Variants in ARHGEF25 observed in about 807,000 individuals in gnomAD.
ARHGEF25 encodes the protein Rho guanine nucleotide exchange factor 25, also known as RAC/CDC42 exchange factor.
In ARHGEF25, 42 loss-of-function variants were observed where a neutral mutation model predicts 74.0. The ratio of observed to expected loss-of-function variants is 0.57; its 90% CI spans 0.44 to 0.73. The LOEUF is 0.73. Ranked by LOEUF, ARHGEF25 falls within the 30% of genes least tolerant of loss-of-function variation. The probability of loss-of-function intolerance (pLI) is 0.00; values close to 1 mark genes in which losing one functional copy is unlikely to be tolerated. For missense variants in ARHGEF25, 645 were observed against 725.5 expected (o/e 0.89, Z 1.27); for synonymous variants, 293 against 278.6 (o/e 1.05, Z -0.51).
chr12:57,610,792 A>C, upstream of ARHGEF25: 1 of 898,600 alleles, frequency 1.1e-6, no homozygotes, highest in Non-Finnish European at 1.6e-6. Context: ...AATTTGCATG[A>C]GACCCATTTA....
In ARHGEF25 at chr12:57,616,304, T is replaced by C; in HGVS notation, c.1441T>C (p.Tyr481His). ...TCCAGCATTGCAGTCACCCATTGAG[T>C]ACCAGAGACGGGAGAGCCAGACCAA... Reference protein sequence around the residue: ...FLNALQSPIEYQRRESQTNSL... With the variant: ...FLNALQSPIEHQRRESQTNSL... The change falls in exon 14 of 15, where the codon TAC becomes CAC. Residue 481 changes from tyrosine to histidine, a missense_variant. This residue lies in a region of ARHGEF25 where 262 missense variants were observed against 256.9 expected (regional missense o/e 1.02). Coordinates refer to ENST00000286494, the MANE Select transcript of ARHGEF25 (RefSeq NM_182947.4). 4 of 1,612,740 alleles carry C rather than the reference T, an allele frequency of 2.5e-6. No homozygotes were observed. The highest frequency in any genetic ancestry group is 3.4e-6 in the Non-Finnish European group (4 of 1,179,750).
upstream of ARHGEF25, chr12:57,610,294 C>T: frequency 6.4e-7 from 1 of 1,561,418 alleles, no homozygotes; most frequent in South Asian, 1.2e-5. Flanking sequence ...TGCGCGCATG[C>T]GCCCTCCCTG....
intron 3 of ARHGEF25, 23 bp from the exon 4 acceptor site, chr12:57,613,417 C>T: frequency 6.2e-7 from 1 of 1,614,054 alleles, no homozygotes; most frequent in Non-Finnish European, 8.5e-7. Flanking sequence ...GTTTGCTCAC[C>T]CTAGGATGTT....
intron 14 of ARHGEF25, 106 bp from the exon 15 acceptor site, chr12:57,616,678 A>G (rs1594963512): frequency 2.0e-6 from 2 of 987,970 alleles, no homozygotes; most frequent in East Asian, 2.4e-5. Flanking sequence ...ACAGTCTAAG[A>G]TATCTAGCAA....
upstream of ARHGEF25, chr12:57,610,668 C>T (rs746860557): frequency 1.1e-5 from 17 of 1,607,890 alleles, no homozygotes; most frequent in East Asian, 3.6e-4. Flanking sequence ...AGGTCCTCGC[C>T]GGGGCTCTGC....
At position 57,616,136 on chromosome 12, in the gene ARHGEF25, T is replaced by C. The variant is rs1884276561; in HGVS notation, c.1420+119T>C. On this transcript the variant is annotated intron_variant, in intron 13 of 14. Transcript: ENST00000286494. ...CATGGCCCATCCCCTTTTCCACTGC[T>C]AGCTCAAAATTTGATAGAATCCCCT... The C allele has an allele frequency of 2.0e-6, 3 of 1,469,520 alleles. No individual in the cohort carries two copies. The South Asian group carries it at 4.0e-5, about 20-fold the overall frequency. The allele number at this position is 1,469,520 out of a possible 1,614,324, so 91.0% of individuals were successfully genotyped here. A position where few individuals can be genotyped will look rare whatever the true frequency, so the allele number is the denominator to read the frequency against.
chr12:57,613,314 G>T lies in ARHGEF25; in HGVS notation c.363G>T (p.Leu121=). 1.2e-6 allele frequency: 2 copies of T among 1,614,222 alleles called. No homozygotes were observed. The highest frequency in any genetic ancestry group is 2.2e-5 in the South Asian group (2 of 91,072). Residue 121 remains leucine (L), a synonymous_variant, in exon 3 of 15, where the codon CTG becomes CTT. Coordinates refer to ENST00000286494, the MANE Select transcript of ARHGEF25 (RefSeq NM_182947.4). Reference sequence around the variant, plus strand: ...CCACAGGAGAGGAGCTGCCGGAACTGACCTTGCTGACCACACTGTTGGAGG... The same window carrying T: ...CCACAGGAGAGGAGCTGCCGGAACTTACCTTGCTGACCACACTGTTGGAGG... The part of the protein sequence containing the change: ...ALATGEELPE[L]TLLTTLLEGP...
Position 57,612,005 on chromosome 12 carries a change from C to G in ARHGEF25, c.97+14C>G. The G allele has an allele frequency of 2.3e-6, 3 of 1,305,132 alleles. No individual in the cohort carries two copies. The highest frequency in any genetic ancestry group is 3.3e-5 in the South Asian group (1 of 30,722). The allele number at this position is 1,305,132 out of a possible 1,614,324, so 80.8% of individuals were successfully genotyped here. On this transcript the variant is annotated intron_variant, in intron 1 of 14. Transcript: ENST00000286494. ...GGGGGGGACGTGGTGAGTGCCAGGTCGAGAGGGTCCAGTGTTGAGTGGGGG... is the reference window on the plus strand; with the variant it reads ...GGGGGGGACGTGGTGAGTGCCAGGTGGAGAGGGTCCAGTGTTGAGTGGGGG...
In ARHGEF25 at chr12:57,614,140, A is replaced by C. The variant is rs1305810875; in HGVS notation, c.656+21A>C. 1.1e-5 allele frequency: 17 copies of C among 1,611,566 alleles called. No homozygotes were observed. The highest frequency in any genetic ancestry group is 1.4e-5 in the Non-Finnish European group (16 of 1,177,974). Reference sequence around the variant, plus strand: ...CGAGAGTGAGTGGTGGAACTCTGACAGCTAGGTGCTGGAGAGGGGCCCTCA... The same window carrying C: ...CGAGAGTGAGTGGTGGAACTCTGACCGCTAGGTGCTGGAGAGGGGCCCTCA... On this transcript the variant is annotated intron_variant, in intron 6 of 14. Coordinates refer to ENST00000286494, the MANE Select transcript of ARHGEF25 (RefSeq NM_182947.4). This position sits in a 1 kb window ranked among gnomAD's most constrained non-coding sequence, Gnocchi z 4.6.
chr12:57,615,773 A>G (rs1275847199), intron 12 of ARHGEF25, 61 bp downstream of exon 12: 2 of 1,610,776 alleles, frequency 1.2e-6, no homozygotes, highest in African/African-American at 2.7e-5. Flanking sequence ...CTCTGAGAGG[A>G]TGTCTCAGAG....
At position 57,615,014 on chromosome 12, in the gene ARHGEF25, A is replaced by C; in HGVS notation, c.957A>C (p.Leu319=). ...YNRAGMDTAD[L]EQAVEVMCFV... is the part of the protein sequence containing the mutation. ...GAGCTGGGATGGATACTGCAGACCTAGAGGTGAGGACCCCAGATCTTCCAG... is the reference window on the plus strand; with the variant it reads ...GAGCTGGGATGGATACTGCAGACCTCGAGGTGAGGACCCCAGATCTTCCAG... The change falls in exon 10 of 15, where the codon CTA becomes CTC. Residue 319 remains leucine, a synonymous_variant. Coordinates refer to ENST00000286494, the MANE Select transcript of ARHGEF25 (RefSeq NM_182947.4). The C allele has an allele frequency of 6.2e-7, 1 of 1,614,098 alleles. No homozygotes were observed. Among genetic ancestry groups the C allele is most frequent in the Non-Finnish European group, 8.5e-7 (1 of 1,179,956 alleles).
Position 57,614,521 on chromosome 12 carries a change from C to T in ARHGEF25, c.732C>T (p.Arg244=). ...WLAQLFIKHE[R]RLHMYVVYCQ... is the part of the protein sequence containing the mutation. ...TTAAACATTACCCCTGTTAGGAGCG[C>T]CGGCTGCATATGTATGTGGTGTACT... is the stretch of plus-strand genomic sequence containing the variant. Residue 244 remains arginine, a synonymous_variant, in exon 8 of 15, where the codon CGC becomes CGT. Transcript: ENST00000286494. This position sits in a 1 kb window ranked among gnomAD's most constrained non-coding sequence, Gnocchi z 4.6. 3 of 1,614,024 alleles carry T rather than the reference C, an allele frequency of 1.9e-6. No individual in the cohort carries two copies. In the South Asian group the frequency reaches 3.3e-5, roughly 18 times the overall value.
chr12:57,612,402 A>C, intron 1 of ARHGEF25: 1 of 159,688 alleles, frequency 6.3e-6, no homozygotes, highest in Non-Finnish European at 1.4e-5. Flanking sequence ...GCCAACGATA[A>C]CCCTGATGGA....
At position 57,614,651 on chromosome 12, in the gene ARHGEF25, C is replaced by A. The variant is rs761613422; in HGVS notation, c.817-38C>A. The A allele has an allele frequency of 4.3e-6, 7 of 1,613,622 alleles. No individual in the cohort carries two copies. The highest frequency in any genetic ancestry group is 5.9e-6 in the Non-Finnish European group (7 of 1,179,862). ...GGTGGGAAGGAGGACAGAACTGGGG[C>A]TTTCCAGGCTGCATAACCACCCTGT... is the stretch of plus-strand genomic sequence containing the variant. On this transcript the variant is annotated intron_variant, in intron 8 of 14. Coordinates refer to ENST00000286494, the MANE Select transcript of ARHGEF25 (RefSeq NM_182947.4). The surrounding 1 kb of genome is among the most constrained non-coding windows in gnomAD (Gnocchi z 4.6).
Position 57,612,926 on chromosome 12 carries a change from T to G in ARHGEF25, c.98-4T>G. 6.2e-7 allele frequency: 1 copy of G among 1,613,006 alleles called. No homozygotes were observed. Among genetic ancestry groups the G allele is most frequent in the South Asian group, 1.1e-5 (1 of 91,022 alleles). The stretch of plus-strand genomic sequence containing the variant: ...ATCACCTCCTCTCTTTTTCCTCCCA[T>G]TAGAATCCTATTCCATTGCGGGCAG... On this transcript the variant is annotated splice_polypyrimidine_tract_variant and splice_region_variant and intron_variant, in intron 1 of 14. Transcript: ENST00000286494.
At position 57,611,606 on chromosome 12, in the gene ARHGEF25, A is replaced by C; in HGVS notation, c.-289A>C. On this transcript the variant is annotated 5_prime_UTR_variant, in exon 1 of 15. Transcript: ENST00000286494. This position sits in a 1 kb window ranked among gnomAD's most constrained non-coding sequence, Gnocchi z 4.5. The stretch of plus-strand genomic sequence containing the variant: ...CTACCATCCCTCCCCCTTCCACTGG[A>C]CATCTGGACCCTAGGCCCCCGCACC... 1 of 1,010,256 alleles carries C rather than the reference A, an allele frequency of 9.9e-7. No individual in the cohort carries two copies. Among genetic ancestry groups the C allele is most frequent in the East Asian group, 8.7e-5 (1 of 11,442 alleles). 62.6% of individuals were successfully genotyped at this position (1,010,256 alleles called of 1,614,324 possible).
In ARHGEF25 at chr12:57,613,996, C is replaced by G; in HGVS notation, c.553-20C>G. On this transcript the variant is annotated intron_variant, in intron 5 of 14. Transcript: ENST00000286494. ...AGAGGGCCACCACATGCTCATGACCCAACCTCAACTTTCCCACAGGGTTAT... is the reference window on the plus strand; with the variant it reads ...AGAGGGCCACCACATGCTCATGACCGAACCTCAACTTTCCCACAGGGTTAT... 1 of 1,612,154 alleles carries G rather than the reference C, an allele frequency of 6.2e-7. No individual in the cohort carries two copies. Among genetic ancestry groups the G allele is most frequent in the Non-Finnish European group, 8.5e-7 (1 of 1,178,336 alleles).
intron 1 of ARHGEF25, 152 bp from the exon 2 acceptor site, chr12:57,612,778 A>G: frequency 6.7e-7 from 1 of 1,487,568 alleles, no homozygotes; most frequent in Non-Finnish European, 8.9e-7. Context: ...GAAATTTTCT[A>G]TCCTGGCCAA....
Position 57,613,776 on chromosome 12 carries a change from C to G in ARHGEF25, c.552+16C>G. The stretch of plus-strand genomic sequence containing the variant: ...GATTGTGGAGGTAGCTCCCTTTACC[C>G]CTTCCCAGCCCCTCCTGCCTGCTTT... On this transcript the variant is annotated intron_variant, in intron 5 of 14. Transcript: ENST00000286494. The G allele has an allele frequency of 4.3e-6, 7 of 1,612,870 alleles. No homozygotes were observed. The highest frequency in any genetic ancestry group is 5.9e-6 in the Non-Finnish European group (7 of 1,179,382).
Sources: gnomAD v4.1 joint callset for allele counts on GRCh38, gnomAD v4.1.1 for gene constraint, gnomAD v4.1.1 regional missense constraint, Gnocchi (gnomAD v3.1) non-coding constraint, MANE v1.5 for transcripts, NCBI Gene and HGNC (gene_info 2026-07-23, HGNC 2026-07-21) for gene names.